FAM53B: variants seen among roughly 807,000 people sequenced by gnomAD.
FAM53B encodes protein FAM53B.
FAM53B carries 12 observed loss-of-function variants against 32.7 expected under a neutral mutation model. The ratio of observed to expected loss-of-function variants is 0.37; its 90% CI spans 0.24 to 0.59. The LOEUF (loss-of-function observed/expected upper bound fraction) is 0.59, where lower values mean the gene tolerates loss of function less well. Among genes scored for constraint, FAM53B ranks in the 20% least tolerant of loss-of-function variants. The pLI is 0.72. For synonymous variants in FAM53B, 234 were observed against 228.7 expected (o/e 1.02, Z -0.21); for missense variants, 477 against 577.7 (o/e 0.83, Z 1.79).
At chr10:124,626,386 G>GT (rs1169167025) in intron 4 of FAM53B, among the ~76,000 whole-genome samples, 1 of 110,028 alleles carries the variant, frequency 9.1e-6, no homozygotes, top group Non-Finnish European at 1.8e-5. Context: ...GTCGAAATTT[G>GT]TGCCCCCCCC....
At chr10:124,728,038 C>T (rs934723919) in intron 1 of FAM53B, among the ~76,000 whole-genome samples, 4 of 152,190 alleles carry the variant, frequency 2.6e-5, no homozygotes, top group East Asian at 1.9e-4. Context: ...ATGATGCTGA[C>T]GATTCAGACC....
chr10:124,741,767 TAAGGTATCATA>T (rs1301091699), intron 1 of FAM53B, among the ~76,000 whole-genome samples: 1 of 152,180 alleles, frequency 6.6e-6, no homozygotes, highest in Non-Finnish European at 1.5e-5. Flanking sequence ...ACGGTGACAA[TAAGGTATCATA>T]AAGCTCTTTC....
At chr10:124,698,463 C>G (rs1949890063) in intron 2 of FAM53B, among the ~76,000 whole-genome samples, 2 of 152,136 alleles carry the variant, frequency 1.3e-5, no homozygotes, top group Admixed American at 1.3e-4. Context: ...CCTCAGGGCC[C>G]TCCTGACCCA....
chr10:124,683,280 G>A (rs545176411), intron 3 of FAM53B, among the ~76,000 whole-genome samples: 48 of 152,168 alleles, frequency 3.2e-4, no homozygotes, highest in Non-Finnish European at 5.7e-4. Context: ...AATTTTAGGA[G>A]ATGCAAAGAT....
At chr10:124,683,074 A>G (rs1564876972) in intron 3 of FAM53B, among the ~76,000 whole-genome samples, 1 of 152,224 alleles carries the variant, frequency 6.6e-6, no homozygotes, top group Non-Finnish European at 1.5e-5. Context: ...AGCAATTAAA[A>G]TCTCTAAGAA....
chr10:124,705,313 G>A (rs111419268), intron 2 of FAM53B, among the ~76,000 whole-genome samples: 1 of 152,212 alleles, frequency 6.6e-6, no homozygotes. Flanking sequence ...GAGGGAAGGC[G>A]GAGGCGGAGC....
chr10:124,740,468 A>G (rs1464214760), intron 1 of FAM53B, among the ~76,000 whole-genome samples: 5 of 152,194 alleles, frequency 3.3e-5, no homozygotes, highest in Non-Finnish European at 7.3e-5. Context: ...AAAATTTTCT[A>G]AGCAAGTCTC....
intron 1 of FAM53B, among the ~76,000 whole-genome samples, chr10:124,719,582 A>AC (rs1156952609): frequency 6.6e-6 from 1 of 152,140 alleles, no homozygotes; most frequent in Admixed American, 6.5e-5. Context: ...TCCGCAGCAC[A>AC]CCCCAAAATG....
chr10:124,731,794 C>CA, intron 1 of FAM53B, among the ~76,000 whole-genome samples: 2 of 152,236 alleles, frequency 1.3e-5, no homozygotes, highest in Admixed American at 1.3e-4. Context: ...GCATCACCTC[C>CA]AAAACTGTAA....
chr10:124,713,000 T>C (rs1447135880), intron 1 of FAM53B, among the ~76,000 whole-genome samples: 1 of 152,200 alleles, frequency 6.6e-6, no homozygotes, highest in Non-Finnish European at 1.5e-5. Context: ...AAGCAAGGCC[T>C]ATGGGTGGGA....
intron 3 of FAM53B, among the ~76,000 whole-genome samples, chr10:124,694,417 T>TG (rs781048624): frequency 3.9e-5 from 6 of 152,252 alleles, no homozygotes; most frequent in Non-Finnish European, 7.3e-5. Context: ...CCTTGGTCTC[T>TG]GGGCCTCAAG....
intron 1 of FAM53B, among the ~76,000 whole-genome samples, chr10:124,732,359 C>T (rs1407001761): frequency 6.6e-6 from 1 of 152,208 alleles, no homozygotes; most frequent in African/African-American, 2.4e-5. Context: ...CACGCTCAGT[C>T]GTCGTCTTAC....
chr10:124,663,933 G>A (rs576581360), intron 4 of FAM53B, among the ~76,000 whole-genome samples: 29 of 152,252 alleles, frequency 1.9e-4, no homozygotes, highest in African/African-American at 6.7e-4. Flanking sequence ...CGGGACACCT[G>A]TATGCCCAGC....
chr10:124,663,187 C>T (rs1324673913), intron 4 of FAM53B, among the ~76,000 whole-genome samples: 1 of 152,218 alleles, frequency 6.6e-6, no homozygotes, highest in Non-Finnish European at 1.5e-5. Flanking sequence ...CAGTGGTAGA[C>T]AGGACACACA....
Position 124,723,085 on chromosome 10 carries a change from GTCAGGTCACGCCCTCTGCC to G in FAM53B, c.-174-16217_-174-16199del, listed in dbSNP as rs1950079208. Reference sequence around the variant, plus strand: ...GGAAGACCTCCACACTCCACACTGAGTCAGGTCACGCCCTCTGCCTCTGTGCAGAATGCAGAGCTTGAAT... The same window carrying G: ...GGAAGACCTCCACACTCCACACTGAGTCTGTGCAGAATGCAGAGCTTGAAT... On this transcript the variant is annotated intron_variant, in intron 1 of 4. Transcript: ENST00000337318. 2.0e-5 allele frequency among the ~76,000 whole-genome samples: 3 copies of G among 152,304 alleles called. No homozygotes were observed. In the South Asian group the frequency reaches 6.2e-4, roughly 32 times the overall value.
chr10:124,648,515 C>T (rs1031336847), intron 4 of FAM53B, among the ~76,000 whole-genome samples: 2 of 152,198 alleles, frequency 1.3e-5, no homozygotes, highest in East Asian at 1.9e-4. Flanking sequence ...ATAATGACCT[C>T]GTCCTGCCTG....
At chr10:124,676,918 T>A (rs1296154999) in intron 4 of FAM53B, among the ~76,000 whole-genome samples, 4 of 152,174 alleles carry the variant, frequency 2.6e-5, no homozygotes, top group Non-Finnish European at 4.4e-5. Flanking sequence ...TGAGGCCTGC[T>A]CAGGGAGGTT....
chr10:124,676,177 CAA>C (rs1026670189), intron 4 of FAM53B, among the ~76,000 whole-genome samples: 5 of 152,236 alleles, frequency 3.3e-5, no homozygotes, highest in Non-Finnish European at 7.3e-5. Flanking sequence ...TGCCTGCCCA[CAA>C]AAGTTTTTGC....
At chr10:124,719,536 C>T (rs1950056494) in intron 1 of FAM53B, among the ~76,000 whole-genome samples, 2 of 152,062 alleles carry the variant, frequency 1.3e-5, no homozygotes, top group South Asian at 4.1e-4. Flanking sequence ...TAGAAATGGC[C>T]CAGGCTCCAG....
Sources: allele counts gnomAD v4.1 joint callset (sites outside exome capture counted in the v4.1 genomes callset), GRCh38; gene constraint gnomAD v4.1.1; transcripts MANE v1.5; gene names NCBI Gene and HGNC (gene_info 2026-07-23, HGNC 2026-07-21).